AGBL1: variants seen among roughly 807,000 people sequenced by gnomAD.
The protein encoded by AGBL1 is cytosolic carboxypeptidase 4.
Under a neutral mutation model 118.9 loss-of-function variants are expected in AGBL1, and 130 were observed. The ratio of observed to expected loss-of-function variants is 1.09; its 90% CI spans 0.95 to 1.26. AGBL1 has a LOEUF of 1.26. AGBL1 is among the 50% of genes most tolerant of loss of function. AGBL1 has a pLI of 0.00. For missense variants in AGBL1, 1,584 were observed against 1,298.1 expected (o/e 1.22, Z -3.38); for synonymous variants, 555 against 478.9 (o/e 1.16, Z -2.08).
intron 23 of AGBL1, among the ~76,000 whole-genome samples, chr15:86,942,016 A>G (rs993202048): frequency 6.6e-6 from 1 of 152,192 alleles, no homozygotes; most frequent in Non-Finnish European, 1.5e-5. Flanking sequence ...CAGGCATCCA[A>G]CTCGAACCAG....
intron 21 of AGBL1, among the ~76,000 whole-genome samples, chr15:86,657,051 T>C (rs1406799162): frequency 1.3e-5 from 2 of 152,190 alleles, no homozygotes; most frequent in African/African-American, 4.8e-5. Context: ...TTAAGATCAT[T>C]AGGTTTCTCT....
intron 17 of AGBL1, among the ~76,000 whole-genome samples, chr15:86,334,159 A>G (rs11634694): frequency 0.4 from 60,291 of 151,952 alleles, 14,328 homozygotes; most frequent in Non-Finnish European, 0.55. Flanking sequence ...TATTCAACAT[A>G]CTACTGGAAG....
chr15:86,386,823 T>C (rs1401737449), intron 17 of AGBL1, among the ~76,000 whole-genome samples: 1 of 152,122 alleles, frequency 6.6e-6, no homozygotes, highest in African/African-American at 2.4e-5. Flanking sequence ...CTTTAACTCT[T>C]TCACCACAGT....
intron 18 of AGBL1, among the ~76,000 whole-genome samples, chr15:86,464,227 T>G (rs2082368517): frequency 6.6e-6 from 1 of 152,222 alleles, no homozygotes; most frequent in Admixed American, 6.5e-5. Flanking sequence ...TGCTCATGAT[T>G]TGGCTCTCTG....
chr15:86,858,947 G>T (rs140554369), intron 22 of AGBL1, among the ~76,000 whole-genome samples: 3 of 152,204 alleles, frequency 2.0e-5, no homozygotes, highest in African/African-American at 7.2e-5. Flanking sequence ...CCACCTTATG[G>T]AGAAGAATTA....
intron 21 of AGBL1, among the ~76,000 whole-genome samples, chr15:86,659,648 C>A (rs1359042693): frequency 6.6e-6 from 1 of 152,094 alleles, no homozygotes; most frequent in Admixed American, 6.5e-5. Context: ...AGGTTATGAA[C>A]CTGATCATAA....
chr15:86,828,365 G>A (rs1233685028), intron 22 of AGBL1, among the ~76,000 whole-genome samples: 3 of 152,062 alleles, frequency 2.0e-5, no homozygotes, highest in Non-Finnish European at 4.4e-5. Context: ...ATGGAAAAAA[G>A]GGACTTTGCA....
intron 22 of AGBL1, among the ~76,000 whole-genome samples, chr15:86,738,218 G>A (rs2077628641): frequency 6.6e-6 from 1 of 152,058 alleles, no homozygotes; most frequent in African/African-American, 2.4e-5. Flanking sequence ...AAGCATAGAA[G>A]GAATATACCT....
At chr15:86,669,188 A>G (rs369226529) in intron 21 of AGBL1, among the ~76,000 whole-genome samples, 1 of 152,206 alleles carries the variant, frequency 6.6e-6, no homozygotes, top group African/African-American at 2.4e-5. Context: ...AAATCAAACT[A>G]CTGTACGATG....
intron 18 of AGBL1, among the ~76,000 whole-genome samples, chr15:86,400,490 G>GTTTT (rs11412401): frequency 7.0e-6 from 1 of 143,380 alleles, no homozygotes; most frequent in African/African-American, 2.5e-5. Flanking sequence ...GGGGGAACAG[G>GTTTT]TTTTTTTTTT....
At chr15:86,646,884 A>G (rs187164751) in intron 21 of AGBL1, among the ~76,000 whole-genome samples, 1 of 152,350 alleles carries the variant, frequency 6.6e-6, no homozygotes, top group African/African-American at 2.4e-5. Context: ...TCTAAAAGAT[A>G]TATTTTAAAA....
intron 21 of AGBL1, among the ~76,000 whole-genome samples, chr15:86,640,980 T>A (rs893484333): frequency 6.8e-6 from 1 of 146,658 alleles, no homozygotes; most frequent in African/African-American, 2.5e-5. Flanking sequence ...TTTTTTTTTT[T>A]ATGTGCCTTT....
Position 86,771,891 on chromosome 15 carries a change from G to A in AGBL1, c.3158+97455G>A, listed in dbSNP as rs1249819103. On this transcript the variant is annotated intron_variant, in intron 22 of 22. Transcript: ENST00000614907. Reference sequence around the variant, plus strand: ...TGCTGGATGGGGAAGTTGCCAGTAGGCAGGCAGAGTCATTAAGGGAAATGG... The same window carrying A: ...TGCTGGATGGGGAAGTTGCCAGTAGACAGGCAGAGTCATTAAGGGAAATGG... Among the ~76,000 whole-genome samples the A allele has an allele frequency of 3.3e-5, 5 of 152,004 alleles. No homozygotes were observed. The East Asian group carries it at 9.7e-4, about 30-fold the overall frequency.
chr15:86,256,790 T>C, intron 7 of AGBL1, 63 bp from the exon 8 acceptor site: 3 of 1,552,572 alleles, frequency 1.9e-6, no homozygotes, highest in Middle Eastern at 1.8e-4. Flanking sequence ...TGTTATTAGC[T>C]GTGTTACAGC....
At chr15:86,727,545 A>C (rs992661665) in intron 22 of AGBL1, among the ~76,000 whole-genome samples, 2 of 152,136 alleles carry the variant, frequency 1.3e-5, no homozygotes, top group African/African-American at 4.8e-5. Context: ...AACTTGTTTT[A>C]TTTTCAATGA....
intron 18 of AGBL1, among the ~76,000 whole-genome samples, chr15:86,487,824 T>C (rs1255652016): frequency 1.3e-5 from 2 of 152,066 alleles, no homozygotes; most frequent in Non-Finnish European, 2.9e-5. Flanking sequence ...AGTCTCTGAG[T>C]TGGTGACTTT....
At chr15:86,414,598 T>C (rs2081664935) in intron 18 of AGBL1, among the ~76,000 whole-genome samples, 2 of 152,170 alleles carry the variant, frequency 1.3e-5, no homozygotes, top group South Asian at 4.1e-4. Context: ...GTAAACAAAT[T>C]TTCTTTTAAT....
At chr15:86,586,795 T>G (rs2084255192) in intron 21 of AGBL1, among the ~76,000 whole-genome samples, 1 of 152,148 alleles carries the variant, frequency 6.6e-6, no homozygotes, top group Non-Finnish European at 1.5e-5. Context: ...TATTTGGCAC[T>G]TGGTTGAAAG....
At chr15:87,015,778 T>C (rs183204077) in intron 24 of AGBL1, among the ~76,000 whole-genome samples, 2 of 152,304 alleles carry the variant, frequency 1.3e-5, no homozygotes, top group African/African-American at 4.8e-5. Context: ...GCTTTAAGTC[T>C]AAGCTAACTT....
Sources: allele counts gnomAD v4.1 joint callset (sites outside exome capture counted in the v4.1 genomes callset), GRCh38; gene constraint gnomAD v4.1.1; transcripts MANE v1.5; gene names NCBI Gene and HGNC (gene_info 2026-07-23, HGNC 2026-07-21).